Variants in TRMT13 observed in about 807,000 individuals in gnomAD.
The protein encoded by TRMT13 is tRNA methyltransferase 13, also known as tRNA:m(4)X modification enzyme TRM13 homolog.
TRMT13 carries 45 observed loss-of-function variants against 55.9 expected under a neutral mutation model. The observed-to-expected ratio is 0.80, with a 90% confidence interval of 0.63 to 1.03. The LOEUF is 1.03. Ranked by LOEUF, TRMT13 falls within the 50% of genes least tolerant of loss-of-function variation. The probability of loss-of-function intolerance (pLI) is 0.00; values close to 1 mark genes in which losing one functional copy is unlikely to be tolerated. For synonymous variants in TRMT13, 183 were observed against 196.3 expected (o/e 0.93, Z 0.57); for missense variants, 513 against 563.9 (o/e 0.91, Z 0.91).
At chr1:100,133,827 CTT>C (rs1383584384) in intron 1 of TRMT13, among the ~76,000 whole-genome samples, 1 of 152,118 alleles carries the variant, frequency 6.6e-6, no homozygotes, top group African/African-American at 2.4e-5. Flanking sequence ...GGGCGGATCA[CTT>C]GAGGTCAGGA....
chr1:100,134,343 G>A (rs1443145529), intron 1 of TRMT13, among the ~76,000 whole-genome samples: 1 of 152,150 alleles, frequency 6.6e-6, no homozygotes, highest in Non-Finnish European at 1.5e-5. Context: ...TAGTTCCACA[G>A]AACTATAAAG....
intron 9 of TRMT13, among the ~76,000 whole-genome samples, chr1:100,147,490 C>T (rs1341807243): frequency 6.6e-6 from 1 of 152,170 alleles, no homozygotes; most frequent in Non-Finnish European, 1.5e-5. Context: ...GCCCTTCCTC[C>T]CTCCCTTCCT....
chr1:100,148,330 A>G lies in TRMT13; in HGVS notation c.1250+4A>G, dbSNP rs764771914. The G allele has an allele frequency of 1.2e-6, 2 of 1,610,498 alleles. No individual in the cohort carries two copies. Among genetic ancestry groups the G allele is most frequent in the South Asian group, 1.1e-5 (1 of 90,974 alleles). On this transcript the variant is annotated splice_donor_region_variant and intron_variant, in intron 10 of 10. Transcript: ENST00000370141. Reference sequence around the variant, plus strand: ...ATGGCGCTGATTGTTTGCCTGGGTAAGAGACTACTTTTGTAATGCATGATA... The same window carrying G: ...ATGGCGCTGATTGTTTGCCTGGGTAGGAGACTACTTTTGTAATGCATGATA...
At chr1:100,142,742 G>T (rs971330988) in intron 7 of TRMT13, among the ~76,000 whole-genome samples, 5 of 152,154 alleles carry the variant, frequency 3.3e-5, no homozygotes, top group Non-Finnish European at 7.3e-5. Context: ...TCAGCCGGTC[G>T]TGGGCACATA....
At chr1:100,144,690 T>C in intron 9 of TRMT13, 1 of 152,254 alleles carries the variant, frequency 6.6e-6, no homozygotes, top group East Asian at 1.9e-4. Flanking sequence ...TTGTGTAACC[T>C]TGTCAAATTA....
chr1:100,141,690 A>G (rs886711692), intron 7 of TRMT13, among the ~76,000 whole-genome samples: 2 of 152,206 alleles, frequency 1.3e-5, no homozygotes, highest in African/African-American at 4.8e-5. Flanking sequence ...ATTGTAGTGA[A>G]GTGTTAAAAT....
At chr1:100,139,308 G>A (rs1557908184) in intron 3 of TRMT13, among the ~76,000 whole-genome samples, 1 of 152,190 alleles carries the variant, frequency 6.6e-6, no homozygotes, top group Non-Finnish European at 1.5e-5. Context: ...ACAGTTCTCA[G>A]TGTATGCTGT....
intron 1 of TRMT13, among the ~76,000 whole-genome samples, chr1:100,134,877 A>G (rs1046747921): frequency 6.6e-6 from 1 of 152,188 alleles, no homozygotes; most frequent in African/African-American, 2.4e-5. Flanking sequence ...ATTGACTACT[A>G]TCTCGTTTTA....
intron 1 of TRMT13, among the ~76,000 whole-genome samples, chr1:100,134,085 A>G (rs115049985): frequency 6.6e-6 from 1 of 151,962 alleles, no homozygotes; most frequent in Admixed American, 6.6e-5. Flanking sequence ...AGAAAAAAAA[A>G]TTTTTTTCGA....
chr1:100,138,156 A>G (rs1656126292), intron 3 of TRMT13, among the ~76,000 whole-genome samples: 1 of 152,264 alleles, frequency 6.6e-6, no homozygotes, highest in African/African-American at 2.4e-5. Context: ...AGCAGTATTT[A>G]TCTGGTTCAC....
intron 9 of TRMT13, among the ~76,000 whole-genome samples, chr1:100,146,623 A>G (rs1657297330): frequency 6.6e-6 from 1 of 151,898 alleles, no homozygotes; most frequent in South Asian, 2.1e-4. Context: ...CTCCTGCCTC[A>G]GCCTCCCGAA....
intron 3 of TRMT13, among the ~76,000 whole-genome samples, chr1:100,137,380 A>G (rs1166670855): frequency 6.6e-6 from 1 of 151,982 alleles, no homozygotes; most frequent in Non-Finnish European, 1.5e-5. Context: ...ATTTTTTTAT[A>G]GAGACGGGGT....
chr1:100,133,420 C>G (rs955194822), intron 1 of TRMT13, 105 bp downstream of exon 1: 137 of 1,327,548 alleles, frequency 1.0e-4, no homozygotes, highest in Non-Finnish European at 1.2e-4. Flanking sequence ...GCTTGTGTCC[C>G]CTGGATTCTC....
chr1:100,141,830 G>A (rs924130611), intron 7 of TRMT13, among the ~76,000 whole-genome samples: 3 of 152,182 alleles, frequency 2.0e-5, no homozygotes, highest in Non-Finnish European at 4.4e-5. Context: ...AGGTGAATTG[G>A]TGTTTGTTAG....
At chr1:100,143,338 T>C (rs1450194569) in intron 8 of TRMT13, 129 bp downstream of exon 8, 4 of 550,888 alleles carry the variant, frequency 7.3e-6, no homozygotes, top group Admixed American at 3.4e-5. Flanking sequence ...ATTGTTAATA[T>C]AGAATGTTTT....
Position 100,149,652 on chromosome 1 carries a change from A to T in TRMT13, c.*832A>T. 1 of 381,228 alleles carries T rather than the reference A, an allele frequency of 2.6e-6. No individual in the cohort carries two copies. Among genetic ancestry groups the T allele is most frequent in the East Asian group, 5.5e-5 (1 of 18,020 alleles). 23.6% of individuals were successfully genotyped at this position (381,228 alleles called of 1,614,324 possible). On this transcript the variant is annotated 3_prime_UTR_variant, in exon 11 of 11. Coordinates refer to ENST00000370141, the MANE Select transcript of TRMT13 (RefSeq NM_019083.3). ...CTGTTTGGGAAAATAATTTGGAATAAAATAGAAATTAGATAATGAAACCAA... is the reference window on the plus strand; with the variant it reads ...CTGTTTGGGAAAATAATTTGGAATATAATAGAAATTAGATAATGAAACCAA...
In TRMT13 at chr1:100,140,957, G is replaced by A; in HGVS notation, c.607G>A (p.Ala203Thr). 1 of 1,613,676 alleles carries A rather than the reference G, an allele frequency of 6.2e-7. No homozygotes were observed. The highest frequency in any genetic ancestry group is 1.1e-5 in the South Asian group (1 of 91,062). ...AAAATTATCTCATTGGGTTGATATT[G>A]CCTTAAAAGATGCTGAAAAAGTTCA... ...KGKLSHWVDI[A>T]LKDAEKVHFI... The change falls in exon 7 of 11, where the codon GCC becomes ACC. Residue 203 changes from alanine (A) to threonine (T), a missense_variant. Physicochemically the swap from Ala to Thr is moderately conservative, Grantham distance 58. This residue lies in a region of TRMT13 where 298 missense variants were observed against 290.3 expected (regional missense o/e 1.03). Coordinates refer to ENST00000370141, the MANE Select transcript of TRMT13 (RefSeq NM_019083.3).
intron 3 of TRMT13, among the ~76,000 whole-genome samples, chr1:100,138,435 C>T (rs182855830): frequency 4.6e-5 from 7 of 152,238 alleles, no homozygotes; most frequent in Admixed American, 4.6e-4. Context: ...TTTCCGTTAT[C>T]CAGTAAAACA....
At position 100,148,610 on chromosome 1, in the gene TRMT13, G is replaced by C. The variant is rs1557917479; in HGVS notation, c.1251-15G>C. On this transcript the variant is annotated splice_polypyrimidine_tract_variant and intron_variant, in intron 10 of 10. Coordinates refer to ENST00000370141, the MANE Select transcript of TRMT13 (RefSeq NM_019083.3). ...AAAATTTTAACAATGTTTTGTGTGT[G>C]TTTATTCAATTTAGGCTTCTTAGTG... 1 of 1,590,002 alleles carries C rather than the reference G, an allele frequency of 6.3e-7. No individual in the cohort carries two copies. The highest frequency in any genetic ancestry group is 2.2e-5 in the East Asian group (1 of 44,710).
Sources: gnomAD v4.1 joint callset for allele counts (sites outside exome capture counted in the v4.1 genomes callset) on GRCh38, gnomAD v4.1.1 for gene constraint, gnomAD v4.1.1 regional missense constraint, MANE v1.5 for transcripts, NCBI Gene and HGNC (gene_info 2026-07-23, HGNC 2026-07-21) for gene names.